Variants in MEIS2 observed in about 807,000 individuals in gnomAD.
The protein encoded by MEIS2 is Meis homeobox 2.
MEIS2 carries 9 observed loss-of-function variants against 58.6 expected under a neutral mutation model. The observed-to-expected ratio is 0.15, with a 90% CI of 0.09 to 0.27. The LOEUF (loss-of-function observed/expected upper bound fraction) is 0.27. Among genes scored for constraint, MEIS2 ranks in the 10% least tolerant of loss-of-function variants. The pLI, the probability that MEIS2 is intolerant of heterozygous loss-of-function variation, is 1.00. For missense variants in MEIS2, 427 were observed against 635.0 expected, an observed-to-expected ratio of 0.67 and a Z score of 3.52; for synonymous variants, 221 against 228.4, an observed-to-expected ratio of 0.97 and a Z score of 0.29.
chr15:37,081,860 G>C (rs1328515784), intron 7 of MEIS2, among the ~76,000 whole-genome samples: 1 of 152,162 alleles, frequency 6.6e-6, no homozygotes, highest in African/African-American at 2.4e-5. Flanking sequence ...ACAGAAGTTT[G>C]TGTGATTGTT....
chr15:37,082,107 C>T (rs1198650725), intron 7 of MEIS2, among the ~76,000 whole-genome samples: 1 of 152,144 alleles, frequency 6.6e-6, no homozygotes, highest in Non-Finnish European at 1.5e-5. Context: ...CCTTGGTGAC[C>T]TGTTAATGAA....
intron 7 of MEIS2, among the ~76,000 whole-genome samples, chr15:37,043,832 C>T (rs552536957): frequency 1.2e-3 from 188 of 152,036 alleles, no homozygotes; most frequent in Non-Finnish European, 2.3e-3. Context: ...GGATTACAGG[C>T]GCGTGCCACC....
At chr15:36,960,023 A>T (rs1595814490) in intron 8 of MEIS2, among the ~76,000 whole-genome samples, 1 of 152,134 alleles carries the variant, frequency 6.6e-6, no homozygotes, top group Non-Finnish European at 1.5e-5. Flanking sequence ...AGGAAAAAAA[A>T]GTCTAGGTGA....
At chr15:36,946,422 G>GA (rs200972390) in intron 9 of MEIS2, among the ~76,000 whole-genome samples, 901 of 71,416 alleles carry the variant, frequency 0.013, 1 homozygote, top group East Asian at 0.034. Context: ...AAGAACTGTA[G>GA]AAAAAAAAAA....
At chr15:36,908,956 T>C (rs1313931458) in intron 9 of MEIS2, among the ~76,000 whole-genome samples, 1 of 152,008 alleles carries the variant, frequency 6.6e-6, no homozygotes, top group African/African-American at 2.4e-5. Flanking sequence ...ATAATAATAA[T>C]AATAACAAAA....
intron 8 of MEIS2, among the ~76,000 whole-genome samples, chr15:37,018,609 C>T (rs928175535): frequency 6.6e-6 from 1 of 152,136 alleles, no homozygotes; most frequent in Non-Finnish European, 1.5e-5. Flanking sequence ...GTATTAAAGG[C>T]AATGAATTTT....
At chr15:36,929,333 C>G (rs934949002) in intron 9 of MEIS2, among the ~76,000 whole-genome samples, 1 of 152,164 alleles carries the variant, frequency 6.6e-6, no homozygotes, top group Non-Finnish European at 1.5e-5. Context: ...AATATCAGCT[C>G]TGGCCAAGGC....
At chr15:37,062,023 GACACAC>G (rs1889281951) in intron 7 of MEIS2, among the ~76,000 whole-genome samples, 2 of 152,198 alleles carry the variant, frequency 1.3e-5, no homozygotes, top group Non-Finnish European at 2.9e-5. Context: ...TGGAGCTCCT[GACACAC>G]TAGTGTCAGT....
chr15:36,965,528 C>T lies in MEIS2; in HGVS notation c.901-15128G>A, dbSNP rs1479727399. Among the ~76,000 whole-genome samples, 4 of 152,140 alleles carry T rather than the reference C, an allele frequency of 2.6e-5. No homozygotes were observed. The East Asian group carries it at 7.7e-4, about 29-fold the overall frequency. ...AACACAAGTGGCCTATAACATTTAACAAAATTGCCTAAAGAAATTAAAAGC... is the reference window on the plus strand; with the variant it reads ...AACACAAGTGGCCTATAACATTTAATAAAATTGCCTAAAGAAATTAAAAGC... On this transcript the variant is annotated intron_variant, in intron 8 of 11. Transcript: ENST00000561208.
intron 9 of MEIS2, among the ~76,000 whole-genome samples, chr15:36,918,056 TG>T (rs1260126518): frequency 1.3e-5 from 2 of 152,222 alleles, no homozygotes; most frequent in Non-Finnish European, 2.9e-5. Flanking sequence ...TGCTGCCTAC[TG>T]GGCATTGCAT....
chr15:36,975,473 T>TTTTG (rs1555439789), intron 8 of MEIS2, among the ~76,000 whole-genome samples: 4 of 129,442 alleles, frequency 3.1e-5, no homozygotes, highest in African/African-American at 7.7e-5. Flanking sequence ...ATAAGGGTTT[T>TTTTG]TTTTTTTTTT....
chr15:36,975,639 G>A (rs891104922), intron 8 of MEIS2, among the ~76,000 whole-genome samples: 3 of 151,980 alleles, frequency 2.0e-5, no homozygotes, highest in Admixed American at 6.6e-5. Flanking sequence ...ATCTAACGAG[G>A]TTTTGGTTTT....
At position 37,098,176 on chromosome 15, in the gene MEIS2, G is replaced by A. The variant is rs1368820423; in HGVS notation, c.36C>T (p.Gly12=). The A allele has an allele frequency of 1.1e-5, 18 of 1,605,826 alleles. No individual in the cohort carries two copies. The highest frequency in any genetic ancestry group is 1.4e-5 in the Non-Finnish European group (17 of 1,175,094). ...CGGGAACCCCTACTCCGTCCATCCC[G>A]CCGTAATGGGGCAGCTCATCGTACT... ...AQRYDELPHY[G]GMDGVGVPAS... Residue 12 remains glycine, a synonymous_variant, in exon 2 of 12, where the codon GGC becomes GGT. Transcript: ENST00000561208.
chr15:36,989,407 T>G (rs2060196630), intron 8 of MEIS2, among the ~76,000 whole-genome samples: 1 of 152,132 alleles, frequency 6.6e-6, no homozygotes, highest in African/African-American at 2.4e-5. Context: ...TACAAGAGGT[T>G]TAGGTTTGGT....
chr15:37,099,763 G>A lies in MEIS2; in HGVS notation c.-297C>T, dbSNP rs901341811. The A allele has an allele frequency of 1.2e-5, 4 of 326,532 alleles. No homozygotes were observed. Among genetic ancestry groups the A allele is most frequent in the African/African-American group, 2.7e-5 (1 of 37,070 alleles). 20.2% of individuals were successfully genotyped at this position (326,532 alleles called of 1,614,324 possible). A position where few individuals can be genotyped will look rare whatever the true frequency, so the allele number is the denominator to read the frequency against. On this transcript the variant is annotated 5_prime_UTR_variant, in exon 1 of 12. Transcript: ENST00000561208. ...CCCCCTCCCCTCCTCCTCCTCTTCG[G>A]TCCTCCTTTCCCCCTCTTTCTCTTC...
chr15:36,891,820 A>C lies in MEIS2; in HGVS notation c.*353T>G, dbSNP rs1245033682. The C allele has an allele frequency of 6.9e-6, 2 of 290,766 alleles. No individual in the cohort carries two copies. Among genetic ancestry groups the C allele is most frequent in the Non-Finnish European group, 1.3e-5 (2 of 155,448 alleles). The allele number at this position is 290,766 out of a possible 1,614,324, so 18.0% of individuals were successfully genotyped here. A position where few individuals can be genotyped will look rare whatever the true frequency, so the allele number is the denominator to read the frequency against. On this transcript the variant is annotated 3_prime_UTR_variant, in exon 12 of 12. Coordinates refer to ENST00000561208, the MANE Select transcript of MEIS2 (RefSeq NM_170675.5). ...TTTGGGAACAACACACATAGTGTGG[A>C]AAACAAGGATATATTTTTTTTTCTC...
intron 3 of MEIS2, 75 bp from the exon 4 acceptor site, chr15:37,095,689 G>C: frequency 6.2e-7 from 1 of 1,605,750 alleles, no homozygotes; most frequent in East Asian, 2.2e-5. Context: ...GAATGGGTAC[G>C]GTGGAGGGCA....
At chr15:37,087,986 A>C (rs1268073609) in intron 6 of MEIS2, among the ~76,000 whole-genome samples, 1 of 152,170 alleles carries the variant, frequency 6.6e-6, no homozygotes, top group Non-Finnish European at 1.5e-5. Context: ...TTCTATCTAA[A>C]ATAATCTGAA....
intron 9 of MEIS2, among the ~76,000 whole-genome samples, chr15:36,947,122 G>T (rs2058595580): frequency 6.6e-6 from 1 of 151,948 alleles, no homozygotes; most frequent in South Asian, 2.1e-4. Flanking sequence ...TGAAGATCTG[G>T]TTATCATCTT....
Sources: allele counts gnomAD v4.1 joint callset (sites outside exome capture counted in the v4.1 genomes callset), GRCh38; gene constraint gnomAD v4.1.1; transcripts MANE v1.5; gene names NCBI Gene and HGNC (gene_info 2026-07-23, HGNC 2026-07-21).